Variants in CILK1 observed in about 807,000 individuals in gnomAD.
CILK1 encodes serine/threonine-protein kinase ICK.
Under a neutral mutation model 79.2 loss-of-function variants are expected in CILK1, and 47 were observed. The observed-to-expected ratio is 0.59, with a 90% confidence interval of 0.47 to 0.76. CILK1 has a LOEUF of 0.76. CILK1 is among the 30% of genes least tolerant of loss of function. The pLI, the probability that CILK1 is intolerant of heterozygous loss-of-function variation, is 0.00. For missense variants in CILK1, 660 were observed against 769.5 expected (o/e 0.86, Z 1.68); for synonymous variants, 266 against 275.9 (o/e 0.96, Z 0.36).
intron 9 of CILK1, among the ~76,000 whole-genome samples, chr6:53,013,323 A>C (rs76653190): frequency 0.058 from 8,847 of 152,332 alleles, 341 homozygotes; most frequent in Middle Eastern, 0.099. Context: ...CAGATGAGGA[A>C]AATGAGGAGC....
intron 2 of CILK1, among the ~76,000 whole-genome samples, chr6:53,040,282 T>G (rs1422354216): frequency 6.6e-6 from 1 of 152,208 alleles, no homozygotes; most frequent in Non-Finnish European, 1.5e-5. Context: ...GGATGTCACT[T>G]CTGTGATTAA....
At position 53,012,115 on chromosome 6, in the gene CILK1, T is replaced by C. The variant is rs1415374627; in HGVS notation, c.1265A>G (p.Asp422Gly). ...TKDSDDWADL[D>G]DLDFSPSLSR... is the part of the protein sequence containing the mutation. ...GAGGGATGGACTGAAATCCAAGTCA[T>C]CCAAGTCAGCCCAATCATCTGAATC... Residue 422 changes from aspartate to glycine, a missense_variant, in exon 10 of 14, where the codon GAT becomes GGT. Transcript: ENST00000676107. 1.2e-6 allele frequency: 2 copies of C among 1,614,222 alleles called. No individual in the cohort carries two copies. Among genetic ancestry groups the C allele is most frequent in the African/African-American group, 1.3e-5 (1 of 75,062 alleles).
At chr6:53,007,791 T>A (rs1387015525) in intron 12 of CILK1, among the ~76,000 whole-genome samples, 3 of 138,274 alleles carry the variant, frequency 2.2e-5, no homozygotes, top group Non-Finnish European at 4.7e-5. Flanking sequence ...AAAAAAAAAA[T>A]TAGCTGGGTG....
intron 2 of CILK1, among the ~76,000 whole-genome samples, chr6:53,039,712 G>A (rs955433041): frequency 1.3e-5 from 2 of 152,138 alleles, no homozygotes; most frequent in African/African-American, 2.4e-5. Flanking sequence ...ATGTGTTCAT[G>A]GAACACAAAG....
chr6:53,054,714 A>G (rs1228353733), intron 1 of CILK1: 5 of 152,230 alleles, frequency 3.3e-5, no homozygotes, highest in Admixed American at 3.3e-4. Flanking sequence ...CTACCAAAGA[A>G]AGACAGCTTT....
chr6:53,029,274 C>A (rs1293557379), intron 5 of CILK1, among the ~76,000 whole-genome samples: 1 of 152,146 alleles, frequency 6.6e-6, no homozygotes, highest in Non-Finnish European at 1.5e-5. Flanking sequence ...CCCTAAGATA[C>A]CATGCCAGAA....
chr6:53,038,009 G>C lies in CILK1; in HGVS notation c.102-16C>G, dbSNP rs1562032404. On this transcript the variant is annotated splice_polypyrimidine_tract_variant and intron_variant, in intron 2 of 13. Transcript: ENST00000676107. ...TCTTTTCATTCTAGAAGAGAAGAAA[G>C]AAACAAACAGCACACTTATTCTCAG... The C allele has an allele frequency of 6.4e-7, 1 of 1,557,114 alleles. No homozygotes were observed. The highest frequency in any genetic ancestry group is 2.2e-5 in the East Asian group (1 of 44,544).
chr6:53,030,285 C>T (rs138878127), intron 5 of CILK1, among the ~76,000 whole-genome samples: 234 of 152,308 alleles, frequency 1.5e-3, no homozygotes, highest in African/African-American at 5.3e-3. Flanking sequence ...TGACAAAAAA[C>T]TGCCCTCTAA....
intron 11 of CILK1, among the ~76,000 whole-genome samples, chr6:53,009,944 C>G (rs1444906676): frequency 6.6e-6 from 1 of 152,206 alleles, no homozygotes; most frequent in African/African-American, 2.4e-5. Flanking sequence ...GCCCTCTGCT[C>G]TCCTCTCTCT....
At chr6:53,012,299 C>T in intron 9 of CILK1, 72 bp from the exon 10 acceptor site, 1 of 1,418,218 alleles carries the variant, frequency 7.1e-7, no homozygotes, top group Non-Finnish European at 9.9e-7. Context: ...TAATCTCCAT[C>T]TGAACTTTCT....
intron 2 of CILK1, among the ~76,000 whole-genome samples, chr6:53,040,114 T>C (rs1376621188): frequency 6.6e-6 from 1 of 152,120 alleles, no homozygotes; most frequent in Non-Finnish European, 1.5e-5. Context: ...CTGCAGGGCA[T>C]TCAAATATAG....
intron 7 of CILK1, among the ~76,000 whole-genome samples, chr6:53,017,224 T>A (rs1349968912): frequency 6.6e-6 from 1 of 152,108 alleles, no homozygotes; most frequent in African/African-American, 2.4e-5. Flanking sequence ...TTTTTGAGGA[T>A]CTAGTTTGCA....
intron 9 of CILK1, 83 bp from the exon 10 acceptor site, chr6:53,012,310 C>T: frequency 7.5e-7 from 1 of 1,324,588 alleles, no homozygotes; most frequent in Admixed American, 1.9e-5. Flanking sequence ...TGAACTTTCT[C>T]TGCTATGCAA....
intron 6 of CILK1, 34 bp downstream of exon 6, chr6:53,019,193 G>A (rs201941087): frequency 1.3e-5 from 21 of 1,575,150 alleles, no homozygotes; most frequent in Middle Eastern, 3.3e-4. Flanking sequence ...TTAAAGAAGT[G>A]CAATTAAATA....
Position 53,001,458 on chromosome 6 carries a change from T to G in CILK1, c.*3691A>C, listed in dbSNP as rs1763940238. On this transcript the variant is annotated 3_prime_UTR_variant, in exon 14 of 14. Transcript: ENST00000676107. ...GTTTTCTGAATTCTTCTCGTTATTA[T>G]GAATATGTGCTTTATAAATAAATAT... 1 of 152,492 alleles carries G rather than the reference T, an allele frequency of 6.6e-6. No homozygotes were observed. The highest frequency in any genetic ancestry group is 2.4e-5 in the African/African-American group (1 of 41,466). 9.4% of individuals were successfully genotyped at this position (152,492 alleles called of 1,614,324 possible). A position where few individuals can be genotyped will look rare whatever the true frequency, so the allele number is the denominator to read the frequency against.
intron 1 of CILK1, among the ~76,000 whole-genome samples, chr6:53,056,785 T>C (rs988942362): frequency 2.6e-5 from 4 of 152,212 alleles, no homozygotes; most frequent in Admixed American, 6.5e-5. Flanking sequence ...GAACAACTTA[T>C]GGAGCTTTAA....
intron 1 of CILK1, among the ~76,000 whole-genome samples, chr6:53,052,272 T>C (rs928972970): frequency 6.6e-6 from 1 of 152,172 alleles, no homozygotes; most frequent in Non-Finnish European, 1.5e-5. Flanking sequence ...ATGGTGTATA[T>C]GTACATTTTC....
At chr6:53,005,557 T>C (rs1764169537) in intron 13 of CILK1, among the ~76,000 whole-genome samples, 1 of 152,200 alleles carries the variant, frequency 6.6e-6, no homozygotes, top group East Asian at 1.9e-4. Flanking sequence ...CTATTAGTTC[T>C]ACCTTCCAAA....
chr6:53,029,545 G>T (rs1378846706), intron 5 of CILK1, among the ~76,000 whole-genome samples: 2 of 152,164 alleles, frequency 1.3e-5, no homozygotes, highest in East Asian at 3.9e-4. Flanking sequence ...TACCTCAGAA[G>T]TAAAGGACAG....
Sources: allele counts gnomAD v4.1 joint callset (sites outside exome capture counted in the v4.1 genomes callset), GRCh38; gene constraint gnomAD v4.1.1; transcripts MANE v1.5; gene names NCBI Gene and HGNC (gene_info 2026-07-23, HGNC 2026-07-21).